NAALADL2: variants seen among roughly 807,000 people sequenced by gnomAD.
NAALADL2 encodes the protein N-acetylated alpha-linked acidic dipeptidase like 2.
A neutral mutation model predicts 87.2 loss-of-function variants in NAALADL2; 76 were observed. The observed-to-expected ratio is 0.87, with a 90% CI of 0.72 to 1.05. The LOEUF (loss-of-function observed/expected upper bound fraction) is 1.05, where lower values mean the gene tolerates loss of function less well. NAALADL2 is among the 50% of genes least tolerant of loss of function. The pLI, the probability that NAALADL2 is intolerant of heterozygous loss-of-function variation, is 0.00. For missense variants in NAALADL2, 1,089 were observed against 945.8 expected (o/e 1.15, Z -1.99); for synonymous variants, 354 against 331.0 (o/e 1.07, Z -0.75).
intron 9 of NAALADL2, among the ~76,000 whole-genome samples, chr3:175,495,477 C>T (rs969810571): frequency 3.9e-5 from 6 of 152,056 alleles, no homozygotes; most frequent in African/African-American, 1.2e-4. Flanking sequence ...CAACTTACTT[C>T]TAGGTTGATG....
intron 1 of NAALADL2, among the ~76,000 whole-genome samples, chr3:174,496,707 C>T (rs1046708126): frequency 2.0e-5 from 3 of 152,064 alleles, no homozygotes; most frequent in East Asian, 3.9e-4. Flanking sequence ...GCTTATTATT[C>T]TGATGGGTAC....
At chr3:174,922,256 G>T (rs1735333630) in intron 1 of NAALADL2, among the ~76,000 whole-genome samples, 1 of 150,796 alleles carries the variant, frequency 6.6e-6, no homozygotes, top group South Asian at 2.1e-4. Context: ...GGGGTATTGA[G>T]CTGTGATCAT....
chr3:174,979,233 ATTC>A (rs1409155370), intron 1 of NAALADL2, among the ~76,000 whole-genome samples: 1 of 146,648 alleles, frequency 6.8e-6, no homozygotes, highest in Non-Finnish European at 1.5e-5. Context: ...AAATCTGTAT[ATTC>A]TTCAACTGAT....
At chr3:175,693,392 C>T (rs1737299896) in intron 11 of NAALADL2, among the ~76,000 whole-genome samples, 1 of 152,122 alleles carries the variant, frequency 6.6e-6, no homozygotes, top group South Asian at 2.1e-4. Flanking sequence ...GCTGGAGTAA[C>T]CCAATGCACT....
intron 9 of NAALADL2, among the ~76,000 whole-genome samples, chr3:175,549,873 C>A (rs1442914713): frequency 6.6e-6 from 1 of 151,878 alleles, no homozygotes; most frequent in Non-Finnish European, 1.5e-5. Flanking sequence ...TACAGATTAA[C>A]AAAAGAAAAT....
chr3:174,446,231 G>A (rs1715040110), intron 1 of NAALADL2, among the ~76,000 whole-genome samples: 1 of 152,116 alleles, frequency 6.6e-6, no homozygotes, highest in South Asian at 2.1e-4. Flanking sequence ...GAATATAGTA[G>A]AGATATTTTA....
intron 1 of NAALADL2, among the ~76,000 whole-genome samples, chr3:174,519,498 A>G (rs1720137119): frequency 6.6e-6 from 1 of 151,636 alleles, no homozygotes; most frequent in Non-Finnish European, 1.5e-5. Flanking sequence ...CACCCAGCTA[A>G]TTTTGTATTT....
chr3:175,035,648 G>A (rs1207875310), intron 1 of NAALADL2, among the ~76,000 whole-genome samples: 1 of 152,110 alleles, frequency 6.6e-6, no homozygotes, highest in Non-Finnish European at 1.5e-5. Flanking sequence ...GAAAAAACTG[G>A]AAAAGACTGG....
intron 9 of NAALADL2, among the ~76,000 whole-genome samples, chr3:175,475,505 G>A (rs1414955385): frequency 6.6e-6 from 1 of 152,138 alleles, no homozygotes; most frequent in Non-Finnish European, 1.5e-5. Context: ...ATTTTAGGCA[G>A]CATTCTGTAA....
intron 3 of NAALADL2, among the ~76,000 whole-genome samples, chr3:174,845,106 G>C (rs1724467782): frequency 6.6e-6 from 1 of 152,260 alleles, no homozygotes; most frequent in East Asian, 1.9e-4. Context: ...CCAGAAGAGA[G>C]AAGATACAAT....
chr3:174,549,886 G>A (rs1339466807), intron 1 of NAALADL2, among the ~76,000 whole-genome samples: 1 of 151,588 alleles, frequency 6.6e-6, no homozygotes, highest in Non-Finnish European at 1.5e-5. Context: ...CCATAACAGT[G>A]GTTTTTTGTT....
chr3:175,728,478 C>G (rs1340681017), intron 11 of NAALADL2, among the ~76,000 whole-genome samples: 5 of 152,260 alleles, frequency 3.3e-5, no homozygotes, highest in Middle Eastern at 3.4e-3. Flanking sequence ...GGAAAGGGGT[C>G]GTGAGGACTG....
At chr3:175,785,101 G>C (rs1466228219) in intron 13 of NAALADL2, among the ~76,000 whole-genome samples, 1,518 of 150,986 alleles carry the variant, frequency 0.01, 26 homozygotes, top group African/African-American at 0.034. Context: ...TTTTACATTT[G>C]CTGAGGAGAG....
rs1160463740 is a variant in NAALADL2, at chr3:174,648,671, C to T, written c.-114-88970C>T. On this transcript the variant is annotated intron_variant, in intron 2 of 3. Transcript: ENST00000434257. ...CATCACAACCTTGATTTTTCTGAAT[C>T]TGTGTATTTTCTAATCACAATTTTA... Among the ~76,000 whole-genome samples the T allele has an allele frequency of 3.3e-5, 5 of 152,102 alleles. No homozygotes were observed. The East Asian group carries it at 9.6e-4, about 29-fold the overall frequency.
chr3:175,192,157 G>C (rs922943146), intron 2 of NAALADL2, among the ~76,000 whole-genome samples: 1 of 151,978 alleles, frequency 6.6e-6, no homozygotes, highest in Non-Finnish European at 1.5e-5. Flanking sequence ...AGTGTTCCTG[G>C]AAATTGTTGC....
chr3:175,022,252 A>G (rs925555381), intron 1 of NAALADL2, among the ~76,000 whole-genome samples: 3 of 152,116 alleles, frequency 2.0e-5, no homozygotes, highest in Non-Finnish European at 4.4e-5. Flanking sequence ...ACTGCAATGC[A>G]TGATGGACTA....
At chr3:175,473,401 T>TC (rs1725182523) in intron 9 of NAALADL2, among the ~76,000 whole-genome samples, 1 of 151,822 alleles carries the variant, frequency 6.6e-6, no homozygotes, top group Admixed American at 6.6e-5. Flanking sequence ...AATATTTTTT[T>TC]TCTGTTGAGA....
intron 12 of NAALADL2, among the ~76,000 whole-genome samples, chr3:175,754,622 G>A (rs183033991): frequency 2.0e-5 from 3 of 152,266 alleles, no homozygotes; most frequent in Admixed American, 6.5e-5. Flanking sequence ...CATATCTCAG[G>A]TTCTCAAGAG....
At chr3:174,463,260 C>G (rs1559998767) in intron 1 of NAALADL2, among the ~76,000 whole-genome samples, 1 of 152,138 alleles carries the variant, frequency 6.6e-6, no homozygotes, top group Non-Finnish European at 1.5e-5. Context: ...TATCTCTGCT[C>G]AGTATACTTT....
Sources: gnomAD v4.1 joint callset for allele counts (sites outside exome capture counted in the v4.1 genomes callset) on GRCh38, gnomAD v4.1.1 for gene constraint, MANE v1.5 for transcripts, NCBI Gene and HGNC (gene_info 2026-07-23, HGNC 2026-07-21) for gene names.